The following TP53BP1 variants were observed in gnomAD, a reference collection of about 807,000 sequenced individuals.
The protein encoded by TP53BP1 is TP53-binding protein 1.
Under a neutral mutation model 200.8 loss-of-function variants are expected in TP53BP1, and 61 were observed. The observed-to-expected ratio is 0.30, with a 90% CI of 0.25 to 0.38. The LOEUF (loss-of-function observed/expected upper bound fraction) is 0.38. Among genes scored for constraint, TP53BP1 ranks in the 10% least tolerant of loss-of-function variants. TP53BP1 has a pLI of 1.00. For synonymous variants in TP53BP1, 822 were observed against 844.3 expected (o/e 0.97, Z 0.46); for missense variants, 2,144 against 2,371.9 (o/e 0.90, Z 2.00).
At chr15:43,415,461 G>A (rs779637828) in intron 23 of TP53BP1, 133 bp downstream of exon 23, 1 of 885,664 alleles carries the variant, frequency 1.1e-6, no homozygotes, top group South Asian at 1.4e-5. Context: ...TATCACCTGT[G>A]GGCTTGGGCA....
intron 11 of TP53BP1, among the ~76,000 whole-genome samples, chr15:43,462,964 G>A (rs539838141): frequency 6.6e-6 from 1 of 152,208 alleles, no homozygotes; most frequent in Admixed American, 6.5e-5. Flanking sequence ...TGCTGAGGCA[G>A]GAGAATCACT....
chr15:43,418,179 TTAAAAAAA>T (rs2045311558), intron 21 of TP53BP1, among the ~76,000 whole-genome samples: 1 of 127,588 alleles, frequency 7.8e-6, no homozygotes, highest in Admixed American at 7.9e-5. Flanking sequence ...GGCTCTGTTT[TTAAAAAAA>T]AAAAAAAAAA....
intron 10 of TP53BP1, among the ~76,000 whole-genome samples, chr15:43,473,775 C>T (rs180672886): frequency 9.8e-5 from 15 of 152,340 alleles, no homozygotes; most frequent in Admixed American, 6.5e-4. Context: ...AGGTTCTCCA[C>T]GTCCTCACCA....
intron 14 of TP53BP1, 119 bp from the exon 15 acceptor site, chr15:43,441,702 A>G: frequency 1.5e-6 from 1 of 670,820 alleles, no homozygotes; most frequent in Admixed American, 2.5e-5. Flanking sequence ...AGAAATAAAA[A>G]TAAGTAAAAC....
Position 43,405,136 on chromosome 15 carries a change from C to G in TP53BP1, c.*2247G>C. On this transcript the variant is annotated 3_prime_UTR_variant, in exon 28 of 28. Transcript: ENST00000382044. ...ATTTAGATCACAGGTTATCCTGATT[C>G]ATATTTCTTTGAAGGTAGTCTTGGG... 6.4e-7 allele frequency: 1 copy of G among 1,563,874 alleles called. No homozygotes were observed. The highest frequency in any genetic ancestry group is 8.8e-7 in the Non-Finnish European group (1 of 1,135,208).
chr15:43,417,224 C>G (rs2045286599), intron 21 of TP53BP1: 1 of 151,324 alleles, frequency 6.6e-6, no homozygotes, highest in Non-Finnish European at 1.5e-5. Flanking sequence ...AATACAAAAA[C>G]AAGGCATTAC....
At position 43,405,178 on chromosome 15, in the gene TP53BP1, T is replaced by C. The variant is rs532431281; in HGVS notation, c.*2205A>G. 6.2e-7 allele frequency: 1 copy of C among 1,614,068 alleles called. No homozygotes were observed. The highest frequency in any genetic ancestry group is 1.1e-5 in the South Asian group (1 of 91,080). ...AGTCTTGGGAAAGCATGACACTTAA[T>C]AAGGCTCTTTTTCTCTTTTGTAGTT... On this transcript the variant is annotated 3_prime_UTR_variant, in exon 28 of 28. Transcript: ENST00000382044.
intron 10 of TP53BP1, among the ~76,000 whole-genome samples, chr15:43,473,991 C>T (rs1048141491): frequency 6.6e-6 from 1 of 152,180 alleles, no homozygotes; most frequent in South Asian, 2.1e-4. Context: ...TCAGGCATGG[C>T]GGGCTGCAGG....
intron 1 of TP53BP1, among the ~76,000 whole-genome samples, chr15:43,504,397 T>A (rs751220367): frequency 3.3e-5 from 5 of 152,128 alleles, no homozygotes; most frequent in Non-Finnish European, 7.3e-5. Context: ...CTCAAAATAA[T>A]CCCTATAAGG....
In TP53BP1 at chr15:43,407,155, A is replaced by G; in HGVS notation, c.*228T>C. On this transcript the variant is annotated 3_prime_UTR_variant, in exon 28 of 28. Transcript: ENST00000382044. ...GCCTGTTGAAAGACTCAGAGAAAGT[A>G]CTATGTCTTGTCATTTGTTCTGAGA... 2 of 510,050 alleles carry G rather than the reference A, an allele frequency of 3.9e-6. No homozygotes were observed. Among genetic ancestry groups the G allele is most frequent in the South Asian group, 5.0e-5 (2 of 40,140 alleles). 31.6% of individuals were successfully genotyped at this position (510,050 alleles called of 1,614,324 possible).
chr15:43,495,816 CAAAAAA>C (rs1180419642), upstream of TP53BP1, among the ~76,000 whole-genome samples: 3 of 55,894 alleles, frequency 5.4e-5, no homozygotes, highest in Non-Finnish European at 1.1e-4. Context: ...GACCCCGTCT[CAAAAAA>C]AAAAAAAAAG....
In TP53BP1 at chr15:43,474,155, G is replaced by T. The variant is rs1021585241; in HGVS notation, c.1180+518C>A. 5.9e-5 allele frequency among the ~76,000 whole-genome samples: 9 copies of T among 152,194 alleles called. 1 individual carries two copies. In the East Asian group the frequency reaches 1.5e-3, roughly 26 times the overall value. ...CCTCATTGCCCGGGGGGCCGGCAGG[G>T]CCGGCCGGCTGCTCCGAGTGCAGGA... On this transcript the variant is annotated intron_variant, in intron 10 of 27. Coordinates refer to ENST00000382044, the MANE Select transcript of TP53BP1 (RefSeq NM_001141980.3).
intron 10 of TP53BP1, among the ~76,000 whole-genome samples, chr15:43,470,898 A>G (rs545657452): frequency 6.6e-6 from 1 of 152,340 alleles, no homozygotes; most frequent in Admixed American, 6.5e-5. Flanking sequence ...CCCAAACTGC[A>G]ACCTCAATAC....
At chr15:43,478,747 A>G (rs1360384394) in intron 7 of TP53BP1, among the ~76,000 whole-genome samples, 1 of 152,192 alleles carries the variant, frequency 6.6e-6, no homozygotes, top group Non-Finnish European at 1.5e-5. Flanking sequence ...GGTGCTCCTC[A>G]AGTATAGAAA....
chr15:43,454,494 G>C (rs2046247937), intron 12 of TP53BP1, among the ~76,000 whole-genome samples: 1 of 151,622 alleles, frequency 6.6e-6, no homozygotes, highest in African/African-American at 2.4e-5. Context: ...CTCCCGAGTA[G>C]CTGGGATTAT....
chr15:43,426,034 C>T (rs2045521760), intron 18 of TP53BP1, among the ~76,000 whole-genome samples: 1 of 145,706 alleles, frequency 6.9e-6, no homozygotes, highest in African/African-American at 2.6e-5. Flanking sequence ...CACTGCACCC[C>T]AGCCTGGGCC....
At chr15:43,459,483 T>C (rs904293112) in intron 11 of TP53BP1, among the ~76,000 whole-genome samples, 1 of 152,116 alleles carries the variant, frequency 6.6e-6, no homozygotes, top group Non-Finnish European at 1.5e-5. Flanking sequence ...AAATGTCCTA[T>C]CAATTGGTGA....
intron 4 of TP53BP1, among the ~76,000 whole-genome samples, chr15:43,484,106 C>A (rs1342915788): frequency 1.3e-5 from 2 of 152,194 alleles, no homozygotes; most frequent in African/African-American, 4.8e-5. Context: ...AACTGAACTT[C>A]CCCTCCTGCA....
At chr15:43,412,631 C>A in intron 24 of TP53BP1, 2 of 468,996 alleles carry the variant, frequency 4.3e-6, no homozygotes, top group Non-Finnish European at 8.8e-6. Context: ...AACCAGGCAC[C>A]CCACAGTCCC....
Sources: allele counts gnomAD v4.1 joint callset (sites outside exome capture counted in the v4.1 genomes callset), GRCh38; gene constraint gnomAD v4.1.1; transcripts MANE v1.5; gene names NCBI Gene and HGNC (gene_info 2026-07-23, HGNC 2026-07-21).